Variants in TENM2 observed in about 807,000 individuals in gnomAD.
The protein encoded by TENM2 is teneurin-2.
In TENM2, 52 loss-of-function variants were observed where a neutral mutation model predicts 245.2. The ratio of observed to expected loss-of-function variants is 0.21; its 90% CI spans 0.17 to 0.27. The LOEUF (loss-of-function observed/expected upper bound fraction) is 0.27. Ranked by LOEUF, TENM2 falls within the 10% of genes least tolerant of loss-of-function variation. The probability of loss-of-function intolerance (pLI) is 1.00; values close to 1 mark genes in which losing one functional copy is unlikely to be tolerated. For synonymous variants in TENM2, 1,363 were observed against 1,438.9 expected (o/e 0.95, Z 1.19); for missense variants, 3,046 against 3,666.8 (o/e 0.83, Z 4.37).
At chr5:167,176,261 T>A in the TENM2 span, among the ~76,000 whole-genome samples, 1 of 152,316 alleles carries the variant, frequency 6.6e-6, no homozygotes, top group East Asian at 1.9e-4. Context: ...TGTCCGAAAC[T>A]TTTTGTTGTT....
intron 2 of TENM2, among the ~76,000 whole-genome samples, chr5:167,450,388 GTTTGTCTGTT>G (rs1765504282): frequency 1.3e-5 from 2 of 152,026 alleles, no homozygotes; most frequent in South Asian, 4.1e-4. Flanking sequence ...GAACATATTT[GTTTGTCTGTT>G]AATGACCTCT....
the TENM2 span, among the ~76,000 whole-genome samples, chr5:167,271,228 C>A: frequency 2.0e-5 from 3 of 152,020 alleles, no homozygotes; most frequent in Non-Finnish European, 4.4e-5. Context: ...ACTGTTTTTC[C>A]GGTTATGGTA....
chr5:167,415,799 G>T (rs1763135939), intron 2 of TENM2, among the ~76,000 whole-genome samples: 2 of 152,172 alleles, frequency 1.3e-5, no homozygotes, highest in African/African-American at 2.4e-5. Context: ...GGTGAGGAAT[G>T]TATCCTCTTC....
At position 167,776,624 on chromosome 5, in the gene TENM2, A is replaced by AAAAAAAAAAC. The variant is rs1561769493; in HGVS notation, c.503-99360_503-99359insAAAAAAACAA. Among the ~76,000 whole-genome samples the AAAAAAAAAAC allele has an allele frequency of 4.9e-4, 30 of 61,252 alleles. 2 individuals are homozygous for AAAAAAAAAAC. The highest frequency in any genetic ancestry group is 2.1e-3 in the African/African-American group (28 of 13,632). The allele number at this position is 61,252 out of a possible 152,430, so 40.2% of individuals were successfully genotyped here. A position where few individuals can be genotyped will look rare whatever the true frequency, so the allele number is the denominator to read the frequency against. On this transcript the variant is annotated intron_variant, in intron 2 of 28. Transcript: ENST00000518659. ...AAAAAAAAAAAAAAAAAAAAAAAAA[A>AAAAAAAAAAC]AACCATATATATGTATCTATATATA... is the stretch of plus-strand genomic sequence containing the variant.
rs540557084 is a variant in TENM2, at chr5:167,834,871, C to T, written c.503-41115C>T. 1.8e-4 allele frequency among the ~76,000 whole-genome samples: 27 copies of T among 152,152 alleles called. No individual in the cohort carries two copies. In the East Asian group the frequency reaches 5.2e-3, roughly 29 times the overall value. ...TTCACCGTGTTAGCCAGGATGGTCT[C>T]GATCTCCTGACCTCGTGATCCGCCC... On this transcript the variant is annotated intron_variant, in intron 2 of 28. Transcript: ENST00000518659.
chr5:167,110,309 A>G, the TENM2 span, among the ~76,000 whole-genome samples: 1 of 152,212 alleles, frequency 6.6e-6, no homozygotes, highest in Admixed American at 6.5e-5. Context: ...ATGACAATGT[A>G]CAAGGGCTGG....
chr5:168,074,217 C>A (rs1791266127), intron 7 of TENM2, among the ~76,000 whole-genome samples: 1 of 152,110 alleles, frequency 6.6e-6, no homozygotes. Flanking sequence ...CCCTCCCATA[C>A]CAGAGACATT....
chr5:166,989,701 A>G, the TENM2 span, among the ~76,000 whole-genome samples: 8 of 151,608 alleles, frequency 5.3e-5, no homozygotes, highest in East Asian at 1.6e-3. Context: ...CTACCCCGCA[A>G]AAATATTTAC....
chr5:167,614,339 C>T (rs916888046), intron 2 of TENM2, among the ~76,000 whole-genome samples: 9 of 152,070 alleles, frequency 5.9e-5, no homozygotes, highest in African/African-American at 2.2e-4. Context: ...TCATCCCTTT[C>T]CCTACGTTTT....
intron 3 of TENM2, among the ~76,000 whole-genome samples, chr5:167,910,983 G>T (rs188883109): frequency 1.3e-5 from 2 of 151,980 alleles, no homozygotes; most frequent in African/African-American, 4.8e-5. Flanking sequence ...GGAAAAAAGC[G>T]TATTTATGCA....
At chr5:168,085,554 G>A (rs1175084863) in intron 7 of TENM2, 1 of 152,246 alleles carries the variant, frequency 6.6e-6, no homozygotes, top group Non-Finnish European at 1.5e-5. Context: ...TCCTGAAAAA[G>A]ACAGGCAAGG....
the TENM2 span, among the ~76,000 whole-genome samples, chr5:167,078,484 AAACAACAACAAC>A: frequency 3.8e-4 from 21 of 54,804 alleles, 1 homozygote; most frequent in African/African-American, 6.3e-4. Context: ...ACTCTGTCTC[AAACAACAACAAC>A]AACAACAACA....
chr5:167,806,140 C>G (rs886850169), intron 2 of TENM2, among the ~76,000 whole-genome samples: 6 of 152,106 alleles, frequency 3.9e-5, no homozygotes, highest in Admixed American at 2.6e-4. Flanking sequence ...ACAGAGTCAC[C>G]TAGTGTCTCC....
At chr5:167,641,218 T>C (rs1409138457) in intron 2 of TENM2, among the ~76,000 whole-genome samples, 1 of 152,030 alleles carries the variant, frequency 6.6e-6, no homozygotes, top group African/African-American at 2.4e-5. Context: ...TAATACTGCC[T>C]CAAAATCTAA....
the TENM2 span, among the ~76,000 whole-genome samples, chr5:167,006,788 T>C: frequency 6.6e-6 from 1 of 152,124 alleles, no homozygotes; most frequent in African/African-American, 2.4e-5. Context: ...TGCCTCAGCC[T>C]CCCAAGTAGC....
At chr5:167,062,682 G>A in the TENM2 span, among the ~76,000 whole-genome samples, 2 of 152,294 alleles carry the variant, frequency 1.3e-5, no homozygotes, top group African/African-American at 4.8e-5. Flanking sequence ...CTGCTCTAAT[G>A]TAGGGAGACA....
rs148172639 is a variant in TENM2 at position 167,411,477 on chromosome 5, CAAG to C, written c.502+36008_502+36010del. Among the ~76,000 whole-genome samples, 1,324 of 151,664 alleles carry C rather than the reference CAAG, an allele frequency of 8.7e-3. 17 individuals carry two copies. Among genetic ancestry groups the C allele is most frequent in the African/African-American group, 0.03 (1,261 of 41,356 alleles). ...GGCGTATCATTGTTAGAAGAGAGAC[CAAG>C]AAGTTGGTCTAAATTATCAGTCTCC... On this transcript the variant is annotated intron_variant, in intron 2 of 28. Transcript: ENST00000518659.
the TENM2 span, among the ~76,000 whole-genome samples, chr5:166,979,447 G>T: frequency 6.6e-6 from 1 of 152,130 alleles, no homozygotes; most frequent in Non-Finnish European, 1.5e-5. Context: ...GCTCCAAAGC[G>T]AGCTGGGACC....
intron 1 of TENM2, among the ~76,000 whole-genome samples, chr5:167,314,352 A>G (rs1246008714): frequency 1.3e-5 from 2 of 152,182 alleles, no homozygotes; most frequent in African/African-American, 4.8e-5. Context: ...TAAAATGAGG[A>G]ATGATATATC....
Sources: gnomAD v4.1 joint callset for allele counts (sites outside exome capture counted in the v4.1 genomes callset) on GRCh38, gnomAD v4.1.1 for gene constraint, MANE v1.5 for transcripts, NCBI Gene and HGNC (gene_info 2026-07-23, HGNC 2026-07-21) for gene names.